The following FIP1L1 variants were observed in gnomAD, a reference collection of about 807,000 sequenced individuals.
FIP1L1 encodes pre-mRNA 3'-end-processing factor FIP1.
Under a neutral mutation model 84.6 loss-of-function variants are expected in FIP1L1, and 21 were observed. That is an observed-to-expected ratio of 0.25 (90% CI 0.18 to 0.36). The LOEUF is 0.36. FIP1L1 is among the 10% of genes least tolerant of loss of function. The probability of loss-of-function intolerance (pLI) is 1.00; values close to 1 mark genes in which losing one functional copy is unlikely to be tolerated. For missense variants in FIP1L1, 526 were observed against 751.1 expected, an observed-to-expected ratio of 0.70 and a Z score of 3.50; for synonymous variants, 263 against 242.3, an observed-to-expected ratio of 1.09 and a Z score of -0.80.
intron 13 of FIP1L1, among the ~76,000 whole-genome samples, chr4:53,438,496 A>G (rs557175274): frequency 1.5e-4 from 23 of 152,348 alleles, no homozygotes; most frequent in African/African-American, 5.1e-4. Flanking sequence ...ACATTTACTT[A>G]TAAAGATTTG....
At chr4:53,384,283 C>T (rs1242920540) in intron 5 of FIP1L1, among the ~76,000 whole-genome samples, 1 of 151,952 alleles carries the variant, frequency 6.6e-6, no homozygotes, top group Non-Finnish European at 1.5e-5. Context: ...GTGGTGGGCA[C>T]CTGTAATCCC....
At chr4:53,456,299 T>C (rs1718873900) in intron 16 of FIP1L1, among the ~76,000 whole-genome samples, 1 of 152,164 alleles carries the variant, frequency 6.6e-6, no homozygotes, top group South Asian at 2.1e-4. Context: ...CTGCTTCAAA[T>C]ACATGCACAG....
chr4:53,393,277 A>C (rs1267930899), intron 9 of FIP1L1, among the ~76,000 whole-genome samples: 1 of 152,236 alleles, frequency 6.6e-6, no homozygotes, highest in East Asian at 1.9e-4. Context: ...CTCACTTATG[A>C]GGATGAATGG....
chr4:53,444,401 G>A (rs1366888548), intron 15 of FIP1L1, among the ~76,000 whole-genome samples: 2 of 152,118 alleles, frequency 1.3e-5, no homozygotes, highest in Non-Finnish European at 1.5e-5. Context: ...TGTTTGTAAC[G>A]TTTCTATTTC....
chr4:53,439,291 C>T (rs1441587607), intron 13 of FIP1L1, among the ~76,000 whole-genome samples: 1 of 152,020 alleles, frequency 6.6e-6, no homozygotes, highest in Non-Finnish European at 1.5e-5. Flanking sequence ...GTTTAGTAGA[C>T]TTGTGGATTC....
chr4:53,377,958 C>G, intron 1 of FIP1L1, 35 bp downstream of exon 1: 1 of 1,517,750 alleles, frequency 6.6e-7, no homozygotes, highest in African/African-American at 1.4e-5. Flanking sequence ...CTCGGGTTCT[C>G]TCAGGCCTCC....
chr4:53,430,181 TTAAAG>T (rs1406247083), intron 13 of FIP1L1, among the ~76,000 whole-genome samples: 1 of 152,150 alleles, frequency 6.6e-6, no homozygotes, highest in South Asian at 2.1e-4. Context: ...GTACTAATTA[TTAAAG>T]TAAGTAGGAC....
At position 53,378,894 on chromosome 4, in the gene FIP1L1, A is replaced by G. The variant is rs192390903; in HGVS notation, c.86-179A>G. The G allele has an allele frequency of 9.2e-3, 5,899 of 641,828 alleles. 41 individuals carry two copies. Among genetic ancestry groups the G allele is most frequent in the Non-Finnish European group, 0.011 (4,194 of 388,556 alleles). The allele number at this position is 641,828 out of a possible 1,614,324, so 39.8% of individuals were successfully genotyped here. A position where few individuals can be genotyped will look rare whatever the true frequency, so the allele number is the denominator to read the frequency against. On this transcript the variant is annotated intron_variant, in intron 1 of 17. Transcript: ENST00000337488. Reference sequence around the variant, plus strand: ...AAATCGTTTGGTGGCAAGATTTAGCATTAGTTACTACTCTTTGAAATGTGA... The same window carrying G: ...AAATCGTTTGGTGGCAAGATTTAGCGTTAGTTACTACTCTTTGAAATGTGA...
intron 9 of FIP1L1, 25 bp downstream of exon 9, chr4:53,391,523 G>T: frequency 6.4e-7 from 1 of 1,570,310 alleles, no homozygotes; most frequent in Non-Finnish European, 8.8e-7. Context: ...ATTATCCTTG[G>T]TTGCTCTCAT....
At position 53,460,698 on chromosome 4, in the gene FIP1L1, C is replaced by T; in HGVS notation, c.*1249C>T. On this transcript the variant is annotated 3_prime_UTR_variant, in exon 18 of 18. Transcript: ENST00000337488. ...ACAATGTTGTAGAGTAATGAGAAAT[C>T]CTCCACACTGAAAAAAAACTAGTAG... 2.0e-6 allele frequency: 1 copy of T among 505,852 alleles called. No homozygotes were observed. 31.3% of individuals were successfully genotyped at this position (505,852 alleles called of 1,614,324 possible).
chr4:53,383,545 C>G lies in FIP1L1; in HGVS notation c.229-228C>G, dbSNP rs184801542. The stretch of plus-strand genomic sequence containing the variant: ...GGCATGGTGGCGGGCACCTGTAATC[C>G]TAGCTACTCTAGAGGCTGAGGCCGG... On this transcript the variant is annotated intron_variant, in intron 4 of 17. Coordinates refer to ENST00000337488, the MANE Select transcript of FIP1L1 (RefSeq NM_030917.4). Among the ~76,000 whole-genome samples the G allele has an allele frequency of 5.3e-5, 8 of 152,198 alleles. No individual in the cohort carries two copies. The East Asian group carries it at 1.5e-3, about 29-fold the overall frequency.
chr4:53,455,598 G>A (rs148161976), intron 16 of FIP1L1, among the ~76,000 whole-genome samples: 11 of 151,992 alleles, frequency 7.2e-5, no homozygotes, highest in Admixed American at 2.0e-4. Flanking sequence ...ACCTGGATGC[G>A]GCTTATGGTA....
At chr4:53,446,765 AAG>A (rs1774360216) in intron 15 of FIP1L1, among the ~76,000 whole-genome samples, 2 of 152,150 alleles carry the variant, frequency 1.3e-5, no homozygotes, top group African/African-American at 4.8e-5. Flanking sequence ...CCATATTAGA[AAG>A]AGAGTAATTC....
intron 5 of FIP1L1, among the ~76,000 whole-genome samples, chr4:53,384,556 T>C (rs1213857793): frequency 6.6e-6 from 1 of 152,238 alleles, no homozygotes; most frequent in East Asian, 1.9e-4. Flanking sequence ...ATAAAAACAA[T>C]ATCAAAAGTA....
intron 13 of FIP1L1, among the ~76,000 whole-genome samples, chr4:53,441,705 A>T (rs1772010557): frequency 6.6e-6 from 1 of 151,994 alleles, no homozygotes; most frequent in Non-Finnish European, 1.5e-5. Context: ...AGAATTACTA[A>T]AACGGAGGCT....
chr4:53,396,818 A>T (rs2149454239), intron 9 of FIP1L1, among the ~76,000 whole-genome samples: 1 of 151,746 alleles, frequency 6.6e-6, no homozygotes, highest in East Asian at 2.0e-4. Context: ...GGCAATTAAT[A>T]GGCTTTCTTA....
chr4:53,418,576 T>C (rs1760845569), intron 11 of FIP1L1, among the ~76,000 whole-genome samples: 1 of 152,218 alleles, frequency 6.6e-6, no homozygotes, highest in African/African-American at 2.4e-5. Flanking sequence ...TTGAAACTGG[T>C]AATATGGATG....
At chr4:53,395,978 G>A (rs967893740) in intron 9 of FIP1L1, among the ~76,000 whole-genome samples, 3 of 151,708 alleles carry the variant, frequency 2.0e-5, no homozygotes, top group African/African-American at 7.3e-5. Context: ...GAGTGCAATG[G>A]TGTGATCTTG....
chr4:53,403,712 T>C (rs1751490461), intron 10 of FIP1L1, among the ~76,000 whole-genome samples: 1 of 152,088 alleles, frequency 6.6e-6, no homozygotes, highest in African/African-American at 2.4e-5. Flanking sequence ...TTTTGAAGCA[T>C]TGGTTGTGCA....
Sources: allele counts gnomAD v4.1 joint callset (sites outside exome capture counted in the v4.1 genomes callset), GRCh38; gene constraint gnomAD v4.1.1; transcripts MANE v1.5; gene names NCBI Gene and HGNC (gene_info 2026-07-23, HGNC 2026-07-21).